The following RILPL1 variants were observed in gnomAD, a reference collection of about 807,000 sequenced individuals.
RILPL1 encodes Rab interacting lysosomal protein like 1.
A neutral mutation model predicts 50.3 loss-of-function variants in RILPL1; 33 were observed. That is an observed-to-expected ratio of 0.66 (90% CI 0.50 to 0.88). The LOEUF is 0.88. Ranked by LOEUF, RILPL1 falls within the 40% of genes least tolerant of loss-of-function variation. RILPL1 has a pLI of 0.00. For synonymous variants in RILPL1, 205 were observed against 228.6 expected (o/e 0.90, Z 0.93); for missense variants, 418 against 542.5 (o/e 0.77, Z 2.28).
chr12:123,530,816 G>T (rs1049567577), intron 1 of RILPL1, among the ~76,000 whole-genome samples: 1 of 152,198 alleles, frequency 6.6e-6, no homozygotes, highest in Non-Finnish European at 1.5e-5. Flanking sequence ...CACTGTGCTC[G>T]CTATGGCCTG....
Position 123,484,187 on chromosome 12 carries a change from T to C in RILPL1, c.1060A>G (p.Lys354Glu). 1 of 1,606,916 alleles carries C rather than the reference T, an allele frequency of 6.2e-7. No homozygotes were observed. The highest frequency in any genetic ancestry group is 8.5e-7 in the Non-Finnish European group (1 of 1,174,214). The change falls in exon 6 of 7, where the codon AAG (lysine) becomes GAG (glutamate). Residue 354 changes from lysine (K) to glutamate (E), a missense_variant. By Grantham distance (56) the Lys-to-Glu change is moderately conservative. Coordinates refer to ENST00000376874, the MANE Select transcript of RILPL1 (RefSeq NM_178314.5). ...TGGCAGCGCATCACTTACAGTCGCT[T>C]GATGCCCGACTCCGGCTGGGGGGAC... ...RTSPQPESGI[K>E]RLFSFFSRDK...
At chr12:123,492,110 CTA>C (rs1566121170) in intron 4 of RILPL1, among the ~76,000 whole-genome samples, 3 of 151,836 alleles carry the variant, frequency 2.0e-5, no homozygotes, top group Non-Finnish European at 4.4e-5. Flanking sequence ...CCTGTCTCTA[CTA>C]AAAATACAAA....
rs573557809 is a variant in RILPL1 at position 123,517,479 on chromosome 12, G to A, written c.460+6016C>T. 2.4e-4 allele frequency among the ~76,000 whole-genome samples: 36 copies of A among 150,050 alleles called. No individual in the cohort carries two copies. The South Asian group carries it at 4.0e-3, about 17-fold the overall frequency. On this transcript the variant is annotated intron_variant, in intron 2 of 6. Transcript: ENST00000376874. ...TGTGTTGCCCAGGCTGGAGCGCAGCGGTGGCAATCTCGGCTCACTGCTACC... is the reference window on the plus strand; with the variant it reads ...TGTGTTGCCCAGGCTGGAGCGCAGCAGTGGCAATCTCGGCTCACTGCTACC...
chr12:123,486,745 T>A (rs568966053), intron 4 of RILPL1, among the ~76,000 whole-genome samples: 23 of 152,120 alleles, frequency 1.5e-4, no homozygotes, highest in African/African-American at 5.3e-4. Flanking sequence ...CTTCAAGCGA[T>A]TCTTGTGCCT....
At chr12:123,476,555 G>T (rs932408986) in intron 6 of RILPL1, among the ~76,000 whole-genome samples, 1 of 152,006 alleles carries the variant, frequency 6.6e-6, no homozygotes, top group Non-Finnish European at 1.5e-5. Context: ...TTATAAAAGG[G>T]GGACATCTGG....
At chr12:123,505,626 TTTG>T (rs1265293090) in intron 2 of RILPL1, among the ~76,000 whole-genome samples, 2 of 151,464 alleles carry the variant, frequency 1.3e-5, no homozygotes, top group Admixed American at 6.6e-5. Flanking sequence ...CCATCGAGTT[TTTG>T]TTTTCTGTTT....
intron 4 of RILPL1, among the ~76,000 whole-genome samples, chr12:123,497,434 G>A (rs991072253): frequency 5.9e-5 from 9 of 152,172 alleles, no homozygotes; most frequent in Non-Finnish European, 1.2e-4. Context: ...TGTTGCCCAG[G>A]CTGGAGTGCG....
intron 4 of RILPL1, among the ~76,000 whole-genome samples, chr12:123,497,073 C>CCGCGTGAT (rs1002880519): frequency 6.6e-6 from 1 of 152,230 alleles, no homozygotes; most frequent in Admixed American, 6.5e-5. Context: ...TTCTTTCACT[C>CCGCGTGAT]CGCGTGATGT....
intron 2 of RILPL1, among the ~76,000 whole-genome samples, chr12:123,506,212 G>A (rs941723796): frequency 6.6e-6 from 1 of 152,252 alleles, no homozygotes; most frequent in Admixed American, 6.5e-5. Flanking sequence ...GGCAAGGACA[G>A]CGCAGCACAG....
At chr12:123,499,920 C>T (rs1002525267) in intron 2 of RILPL1, among the ~76,000 whole-genome samples, 4 of 152,100 alleles carry the variant, frequency 2.6e-5, no homozygotes, top group African/African-American at 9.7e-5. Context: ...CCATCCCTGA[C>T]CCACCATGTA....
chr12:123,476,973 GC>G (rs1436500553), intron 6 of RILPL1, among the ~76,000 whole-genome samples: 1 of 152,186 alleles, frequency 6.6e-6, no homozygotes, highest in Non-Finnish European at 1.5e-5. Flanking sequence ...CTCCCCAACT[GC>G]GATGAGCTGC....
rs763917544 is a variant in RILPL1 at position 123,533,222 on chromosome 12, C to G, written c.261G>C (p.Leu87=). 5.7e-6 allele frequency: 9 copies of G among 1,591,580 alleles called. No individual in the cohort carries two copies. Among genetic ancestry groups the G allele is most frequent in the Non-Finnish European group, 7.7e-6 (9 of 1,175,250 alleles). ...CGATGCGGTCCATCCTCTCCAGGCG[C>G]AGGCGGTCCAGCTCCAGGCGCAGCT... The part of the protein sequence containing the change: ...LDELRLELDR[L]RLERMDRIEK... The change falls in exon 1 of 7, where the codon CTG becomes CTC. Residue 87 remains leucine (L), a synonymous_variant. Coordinates refer to ENST00000376874, the MANE Select transcript of RILPL1 (RefSeq NM_178314.5). This position sits in a 1 kb window ranked among gnomAD's most constrained non-coding sequence, Gnocchi z 6.2.
In RILPL1 at chr12:123,472,435, A is replaced by T. The variant is rs1037481803; in HGVS notation, c.*103T>A. On this transcript the variant is annotated 3_prime_UTR_variant, in exon 7 of 7. Transcript: ENST00000376874. ...TTTGAGGGGTCAGTTTTCAGGGTGC[A>T]TCTGCACCGAGAGGCTTGAGGCAGC... 8 of 1,308,264 alleles carry T rather than the reference A, an allele frequency of 6.1e-6. No homozygotes were observed. Among genetic ancestry groups the T allele is most frequent in the African/African-American group, 3.0e-5 (2 of 67,452 alleles). The allele number at this position is 1,308,264 out of a possible 1,614,324, so 81.0% of individuals were successfully genotyped here.
intron 2 of RILPL1, chr12:123,519,297 C>T (rs1428883416): frequency 6.6e-6 from 1 of 152,104 alleles, no homozygotes; most frequent in Non-Finnish European, 1.5e-5. Flanking sequence ...TCCCCCGGCG[C>T]GATGGCTTGC....
At chr12:123,473,929 C>G (rs1321009459) in intron 6 of RILPL1, 1 of 151,944 alleles carries the variant, frequency 6.6e-6, no homozygotes, top group Non-Finnish European at 1.5e-5. Context: ...GGGTTTCACT[C>G]TTGTTGCCCA....
At chr12:123,481,944 C>G (rs1432644091) in intron 6 of RILPL1, among the ~76,000 whole-genome samples, 1 of 151,980 alleles carries the variant, frequency 6.6e-6, no homozygotes, top group Non-Finnish European at 1.5e-5. Context: ...ACAATCTCAG[C>G]TCACTGCAAC....
chr12:123,478,347 A>G (rs1881738971), intron 6 of RILPL1, among the ~76,000 whole-genome samples: 1 of 151,830 alleles, frequency 6.6e-6, no homozygotes, highest in African/African-American at 2.4e-5. Flanking sequence ...CCCTTCCCTT[A>G]CTATTCCAGG....
chr12:123,516,395 G>C (rs1434074710), intron 2 of RILPL1, among the ~76,000 whole-genome samples: 1 of 152,242 alleles, frequency 6.6e-6, no homozygotes, highest in African/African-American at 2.4e-5. Flanking sequence ...CTCCCCAGGG[G>C]CTAAGGCTGA....
At chr12:123,508,828 C>A (rs1041916338) in intron 2 of RILPL1, among the ~76,000 whole-genome samples, 2 of 151,886 alleles carry the variant, frequency 1.3e-5, no homozygotes, top group African/African-American at 4.8e-5. Flanking sequence ...ATGATCGCAT[C>A]ATTGCACTCC....
Sources: gnomAD v4.1 joint callset for allele counts (sites outside exome capture counted in the v4.1 genomes callset) on GRCh38, gnomAD v4.1.1 for gene constraint, Gnocchi (gnomAD v3.1) non-coding constraint, MANE v1.5 for transcripts, NCBI Gene and HGNC (gene_info 2026-07-23, HGNC 2026-07-21) for gene names.